The following SLC8A3 variants were observed in gnomAD, a reference collection of about 807,000 sequenced individuals.
The protein encoded by SLC8A3 is solute carrier family 8 member A3, also known as sodium/calcium exchanger 3.
SLC8A3 carries 37 observed loss-of-function variants against 65.4 expected under a neutral mutation model. The observed-to-expected ratio is 0.57, with a 90% CI of 0.44 to 0.74. The LOEUF (loss-of-function observed/expected upper bound fraction) is 0.74. SLC8A3 is among the 30% of genes least tolerant of loss of function. SLC8A3 has a pLI of 0.00. For synonymous variants in SLC8A3, 461 were observed against 444.5 expected, an observed-to-expected ratio of 1.04 and a Z score of -0.47; for missense variants, 1,112 against 1,172.1, an observed-to-expected ratio of 0.95 and a Z score of 0.75.
chr14:70,116,581 T>C (rs925231590), intron 2 of SLC8A3, among the ~76,000 whole-genome samples: 4 of 152,170 alleles, frequency 2.6e-5, no homozygotes, highest in Non-Finnish European at 4.4e-5. Flanking sequence ...TACAACAGTA[T>C]GTCATTAATA....
At chr14:70,186,223 T>C (rs1257549628) in intron 1 of SLC8A3, among the ~76,000 whole-genome samples, 1 of 152,174 alleles carries the variant, frequency 6.6e-6, no homozygotes, top group Non-Finnish European at 1.5e-5. Context: ...AAGAAGGACA[T>C]GTTTGCTTCC....
rs569791064 is a variant in SLC8A3 at position 70,125,384 on chromosome 14, T to C, written c.1784+41255A>G. On this transcript the variant is annotated intron_variant, in intron 2 of 6. Coordinates refer to ENST00000356921, the MANE Select transcript of SLC8A3 (RefSeq NM_182932.3). ...TTATTCCACACTCTGTGCCCATGCA[T>C]ATGCATTATTTAGCTCCCAATTGTA... is the stretch of plus-strand genomic sequence containing the variant. 6.6e-5 allele frequency among the ~76,000 whole-genome samples: 10 copies of C among 152,104 alleles called. No individual in the cohort carries two copies. In the East Asian group the frequency reaches 1.9e-3, roughly 29 times the overall value.
intron 2 of SLC8A3, among the ~76,000 whole-genome samples, chr14:70,139,750 G>A (rs192410047): frequency 6.6e-6 from 1 of 152,308 alleles, no homozygotes; most frequent in Admixed American, 6.5e-5. Flanking sequence ...CCGGGAGAGG[G>A]GTTAGATGAA....
At chr14:70,088,758 G>C (rs1163182836) in intron 2 of SLC8A3, among the ~76,000 whole-genome samples, 1 of 152,060 alleles carries the variant, frequency 6.6e-6, no homozygotes, top group Non-Finnish European at 1.5e-5. Context: ...CTTTACCAAA[G>C]CTTCTTCTCC....
At chr14:70,113,299 T>C (rs1414993130) in intron 2 of SLC8A3, among the ~76,000 whole-genome samples, 1 of 152,230 alleles carries the variant, frequency 6.6e-6, no homozygotes, top group African/African-American at 2.4e-5. Flanking sequence ...AACAGGTTAC[T>C]GTACTGGAAA....
At chr14:70,059,979 T>A (rs964587190) in intron 3 of SLC8A3, among the ~76,000 whole-genome samples, 2 of 152,152 alleles carry the variant, frequency 1.3e-5, no homozygotes, top group African/African-American at 4.8e-5. Context: ...GTAGCCTGAA[T>A]GAGGCACCCA....
In SLC8A3 at chr14:70,052,116, T is replaced by A. The variant is rs1887583477; in HGVS notation, c.1889-2A>T. 1 of 1,594,658 alleles carries A rather than the reference T, an allele frequency of 6.3e-7. No individual in the cohort carries two copies. Among genetic ancestry groups the A allele is most frequent in the Non-Finnish European group, 8.5e-7 (1 of 1,173,472 alleles). ...TAGTCAGCTTCCTGTCTGTCACATC[T>A]GCAACAAAACAAAATCAGACTCGCT... On this transcript the variant is annotated splice_acceptor_variant, in intron 3 of 6. Transcript: ENST00000356921. LOFTEE classifies it high-confidence loss of function.
At chr14:70,069,302 C>T (rs1348861110) in intron 2 of SLC8A3, among the ~76,000 whole-genome samples, 1 of 152,188 alleles carries the variant, frequency 6.6e-6, no homozygotes, top group Non-Finnish European at 1.5e-5. Context: ...GGCCTCCTAA[C>T]CCTTCGGCCC....
At chr14:70,108,484 T>C (rs1893035444) in intron 2 of SLC8A3, among the ~76,000 whole-genome samples, 1 of 152,118 alleles carries the variant, frequency 6.6e-6, no homozygotes, top group Non-Finnish European at 1.5e-5. Context: ...ACAATGTCCC[T>C]GTCCTCACAA....
chr14:70,075,477 G>A (rs1890418244), intron 2 of SLC8A3, among the ~76,000 whole-genome samples: 1 of 152,182 alleles, frequency 6.6e-6, no homozygotes, highest in Non-Finnish European at 1.5e-5. Flanking sequence ...GCTCTGGAAA[G>A]GTGGTGTCCA....
chr14:70,179,853 G>A (rs1594820093), intron 1 of SLC8A3, among the ~76,000 whole-genome samples: 1 of 152,220 alleles, frequency 6.6e-6, no homozygotes, highest in African/African-American at 2.4e-5. Context: ...TCATACAGAA[G>A]AAGAAATTGG....
intron 2 of SLC8A3, among the ~76,000 whole-genome samples, chr14:70,093,500 G>A (rs1259468355): frequency 6.6e-6 from 1 of 152,164 alleles, no homozygotes; most frequent in Admixed American, 6.5e-5. Flanking sequence ...CTATTGAGGG[G>A]ATGAGACAAC....
At chr14:70,083,586 C>T (rs975241824) in intron 2 of SLC8A3, among the ~76,000 whole-genome samples, 1 of 152,206 alleles carries the variant, frequency 6.6e-6, no homozygotes, top group African/African-American at 2.4e-5. Flanking sequence ...CTTCTAATCC[C>T]TGAAGGGTAG....
intron 2 of SLC8A3, among the ~76,000 whole-genome samples, chr14:70,122,740 A>G (rs1395728386): frequency 6.6e-6 from 1 of 152,214 alleles, no homozygotes; most frequent in African/African-American, 2.4e-5. Context: ...TTTCCTGCTC[A>G]TAAGAACCTG....
intron 2 of SLC8A3, among the ~76,000 whole-genome samples, chr14:70,121,073 T>G (rs1005370493): frequency 7.9e-5 from 12 of 152,194 alleles, no homozygotes; most frequent in Non-Finnish European, 1.3e-4. Flanking sequence ...ATCTGCAACA[T>G]GACAACAATT....
intron 1 of SLC8A3, among the ~76,000 whole-genome samples, chr14:70,172,166 C>G (rs529710761): frequency 6.6e-6 from 1 of 152,258 alleles, no homozygotes; most frequent in South Asian, 2.1e-4. Flanking sequence ...CACCCAGGAC[C>G]ACCCCAAATC....
At position 70,051,128 on chromosome 14, in the gene SLC8A3, T is replaced by C. The variant is rs1887460014; in HGVS notation, c.2014-21A>G. The C allele has an allele frequency of 4.5e-6, 7 of 1,550,180 alleles. No homozygotes were observed. In the East Asian group the frequency reaches 1.6e-4, roughly 35 times the overall value. On this transcript the variant is annotated intron_variant, in intron 4 of 6. Transcript: ENST00000356921. ...GTAGTCTGTTAAGAAGAGAAAAACTTGGAACCATGAGGTTAGAATGCTCAG... is the reference window on the plus strand; with the variant it reads ...GTAGTCTGTTAAGAAGAGAAAAACTCGGAACCATGAGGTTAGAATGCTCAG...
chr14:70,075,071 A>G (rs1157758839), intron 2 of SLC8A3, among the ~76,000 whole-genome samples: 1 of 152,172 alleles, frequency 6.6e-6, no homozygotes, highest in African/African-American at 2.4e-5. Flanking sequence ...ATATGAACAA[A>G]AAAAATACAA....
At chr14:70,097,562 A>G (rs1054355146) in intron 2 of SLC8A3, among the ~76,000 whole-genome samples, 1 of 152,234 alleles carries the variant, frequency 6.6e-6, no homozygotes, top group Non-Finnish European at 1.5e-5. Context: ...TTGTTTGTAC[A>G]ATGGAGACTG....
Sources: gnomAD v4.1 joint callset for allele counts (sites outside exome capture counted in the v4.1 genomes callset) on GRCh38, gnomAD v4.1.1 for gene constraint, MANE v1.5 for transcripts, NCBI Gene and HGNC (gene_info 2026-07-23, HGNC 2026-07-21) for gene names.